ATP13A4: variants seen among roughly 807,000 people sequenced by gnomAD.
ATP13A4 encodes probable cation-transporting ATPase 13A4.
In ATP13A4, 114 loss-of-function variants were observed where a neutral mutation model predicts 142.5. The ratio of observed to expected loss-of-function variants is 0.80; its 90% CI spans 0.69 to 0.93. ATP13A4 has a LOEUF of 0.93. ATP13A4 is among the 40% of genes least tolerant of loss of function. The pLI, the probability that ATP13A4 is intolerant of heterozygous loss-of-function variation, is 0.00. For missense variants in ATP13A4, 1,392 were observed against 1,454.0 expected (o/e 0.96, Z 0.69); for synonymous variants, 488 against 514.8 (o/e 0.95, Z 0.70).
rs57432082 is a variant in ATP13A4, at chr3:193,571,278, C to CA, written n.291+10428dup. ...TGGGTGACAAAGCAAGACCTTGTCT[C>CA]AAAAAAAAAAAAAGAAATATCCATG... is the stretch of plus-strand genomic sequence containing the variant. On this transcript the variant is annotated intron_variant and non_coding_transcript_variant, in intron 2 of 3. Coordinates refer to the ATP13A4 transcript ENST00000489140. Among the ~76,000 whole-genome samples the CA allele has an allele frequency of 1.5e-3, 147 of 95,672 alleles. 6 individuals carry two copies. The highest frequency in any genetic ancestry group is 3.1e-3 in the East Asian group (11 of 3,592). 62.8% of individuals were successfully genotyped at this position (95,672 alleles called of 152,430 possible).
At chr3:193,537,719 A>G (rs374837515) in intron 1 of ATP13A4, among the ~76,000 whole-genome samples, 32 of 152,304 alleles carry the variant, frequency 2.1e-4, no homozygotes, top group African/African-American at 7.7e-4. Context: ...ATGTCCTGCA[A>G]TGAGTGAATG....
At chr3:193,509,880 A>G (rs961447536) in intron 2 of ATP13A4, among the ~76,000 whole-genome samples, 6 of 152,216 alleles carry the variant, frequency 3.9e-5, no homozygotes, top group Non-Finnish European at 7.3e-5. Context: ...ATCACTCTGT[A>G]AGGACAAGGA....
chr3:193,434,067 T>C, intron 24 of ATP13A4, 150 bp from the exon 25 acceptor site: 1 of 716,238 alleles, frequency 1.4e-6, no homozygotes, highest in East Asian at 2.7e-5. Context: ...AGTTGGTGAG[T>C]GATGGTGTTG....
intron 2 of ATP13A4, among the ~76,000 whole-genome samples, chr3:193,513,088 C>A (rs1211388513): frequency 6.6e-6 from 1 of 152,184 alleles, no homozygotes; most frequent in East Asian, 1.9e-4. Context: ...TCAGCTATTA[C>A]CTGTATCATG....
intron 1 of ATP13A4, among the ~76,000 whole-genome samples, chr3:193,546,223 G>C (rs1473908269): frequency 6.6e-6 from 1 of 152,080 alleles, no homozygotes; most frequent in African/African-American, 2.4e-5. Flanking sequence ...CAGGACTCCT[G>C]AATAGTATCA....
rs35624117 is a variant in ATP13A4, at chr3:193,589,959, C to CAA, written n.91+3060_91+3061dup. ...TACTTGCATACTTGTGTTCTTTTGC[C>CAA]AAAAAAAAAAAAAAAAAAAGCTCTT... On this transcript the variant is annotated intron_variant and non_coding_transcript_variant, in intron 1 of 3. Transcript: ENST00000489140. Among the ~76,000 whole-genome samples the CAA allele has an allele frequency of 5.0e-3, 419 of 83,870 alleles. 1 individual carries two copies. The highest frequency in any genetic ancestry group is 0.016 in the African/African-American group (339 of 21,608). 55.0% of individuals were successfully genotyped at this position (83,870 alleles called of 152,430 possible). A position where few individuals can be genotyped will look rare whatever the true frequency, so the allele number is the denominator to read the frequency against.
intron 3 of ATP13A4, among the ~76,000 whole-genome samples, chr3:193,502,016 A>G (rs1179888072): frequency 6.6e-6 from 1 of 152,162 alleles, no homozygotes; most frequent in Non-Finnish European, 1.5e-5. Flanking sequence ...AATCCCAGCT[A>G]CTAGGGAGGC....
intron 2 of ATP13A4, among the ~76,000 whole-genome samples, chr3:193,577,326 G>C (rs746348047): frequency 3.3e-5 from 5 of 152,134 alleles, no homozygotes; most frequent in Non-Finnish European, 7.4e-5. Flanking sequence ...TTTGCTTATT[G>C]AGCCCTAAGT....
chr3:193,432,023 T>C (rs1243285076), intron 25 of ATP13A4, among the ~76,000 whole-genome samples: 1 of 151,910 alleles, frequency 6.6e-6, no homozygotes, highest in African/African-American at 2.4e-5. Flanking sequence ...AAGGAGGCAG[T>C]AGCTGGTGGT....
intron 8 of ATP13A4, among the ~76,000 whole-genome samples, chr3:193,477,070 C>T (rs1719008089): frequency 6.6e-6 from 1 of 151,952 alleles, no homozygotes; most frequent in Non-Finnish European, 1.5e-5. Flanking sequence ...AAAAAAAATG[C>T]AGTATCTTTG....
intron 3 of ATP13A4, among the ~76,000 whole-genome samples, chr3:193,497,674 A>T (rs547364308): frequency 2.6e-5 from 4 of 152,290 alleles, no homozygotes; most frequent in Admixed American, 2.6e-4. Context: ...CTAAGGGTCT[A>T]TCAATGGATG....
intron 1 of ATP13A4, among the ~76,000 whole-genome samples, chr3:193,549,494 A>T (rs1482059418): frequency 6.6e-6 from 1 of 151,608 alleles, no homozygotes; most frequent in Non-Finnish European, 1.5e-5. Flanking sequence ...GGAAAGTCTA[A>T]TTTTTTTTAA....
At chr3:193,456,294 CAT>C (rs1479866098) in intron 16 of ATP13A4, among the ~76,000 whole-genome samples, 1 of 152,152 alleles carries the variant, frequency 6.6e-6, no homozygotes, top group African/African-American at 2.4e-5. Context: ...TGCTATGATC[CAT>C]GCCACTGCAG....
intron 2 of ATP13A4, among the ~76,000 whole-genome samples, chr3:193,561,729 C>G (rs1197652266): frequency 2.0e-5 from 3 of 152,192 alleles, no homozygotes; most frequent in African/African-American, 7.2e-5. Flanking sequence ...GTCCATCAAC[C>G]CTGCCAAAGC....
intron 1 of ATP13A4, among the ~76,000 whole-genome samples, chr3:193,584,377 G>C (rs1009191911): frequency 8.5e-5 from 13 of 152,154 alleles, no homozygotes; most frequent in Admixed American, 2.0e-4. Context: ...AATAAAAAAG[G>C]ATTCTTCCCT....
At chr3:193,405,790 G>A (rs767111751) in intron 29 of ATP13A4, among the ~76,000 whole-genome samples, 1 of 152,198 alleles carries the variant, frequency 6.6e-6, no homozygotes, top group East Asian at 1.9e-4. Context: ...GATACATGAA[G>A]AGGATACTAC....
At chr3:193,589,394 A>G (rs1041029378) in intron 1 of ATP13A4, among the ~76,000 whole-genome samples, 1 of 152,198 alleles carries the variant, frequency 6.6e-6, no homozygotes, top group Non-Finnish European at 1.5e-5. Context: ...AGTAGTGTTA[A>G]GGAACTTGGA....
intron 24 of ATP13A4, 141 bp from the exon 25 acceptor site, chr3:193,434,058 G>A: frequency 1.4e-6 from 1 of 736,992 alleles, no homozygotes; most frequent in Non-Finnish European, 2.4e-6. Flanking sequence ...GCCTGGTTGA[G>A]TTGGTGAGTG....
chr3:193,449,161 C>T (rs930014392), intron 17 of ATP13A4, among the ~76,000 whole-genome samples: 4 of 152,204 alleles, frequency 2.6e-5, no homozygotes, highest in South Asian at 2.1e-4. Flanking sequence ...CTGTATCAAG[C>T]GTGAATGTTT....
Sources: allele counts gnomAD v4.1 joint callset (sites outside exome capture counted in the v4.1 genomes callset), GRCh38; gene constraint gnomAD v4.1.1; transcripts MANE v1.5; gene names NCBI Gene and HGNC (gene_info 2026-07-23, HGNC 2026-07-21).